NT5DC1: variants seen among roughly 807,000 people sequenced by gnomAD.
NT5DC1 encodes the protein 5'-nucleotidase domain-containing protein 1.
A neutral mutation model predicts 59.4 loss-of-function variants in NT5DC1; 42 were observed. The observed-to-expected ratio is 0.71, with a 90% CI of 0.55 to 0.92. The LOEUF is 0.92. NT5DC1 is among the 40% of genes least tolerant of loss of function. NT5DC1 has a pLI of 0.00. For synonymous variants in NT5DC1, 172 were observed against 188.1 expected (o/e 0.91, Z 0.70); for missense variants, 501 against 537.1 (o/e 0.93, Z 0.66).
At chr6:116,236,323 A>G (rs929550959) in intron 8 of NT5DC1, among the ~76,000 whole-genome samples, 1 of 152,236 alleles carries the variant, frequency 6.6e-6, no homozygotes, top group African/African-American at 2.4e-5. Context: ...ACGTACAAGT[A>G]ATAGAATAGC....
At chr6:116,153,374 C>T (rs1582838659) in intron 6 of NT5DC1, among the ~76,000 whole-genome samples, 1 of 151,924 alleles carries the variant, frequency 6.6e-6, no homozygotes, top group South Asian at 2.1e-4. Flanking sequence ...GAATTTAGCT[C>T]GATTTTAGAT....
At chr6:116,105,716 G>T (rs1692550449) in intron 1 of NT5DC1, among the ~76,000 whole-genome samples, 1 of 151,462 alleles carries the variant, frequency 6.6e-6, no homozygotes, top group African/African-American at 2.4e-5. Context: ...TTTGTCCTTT[G>T]TCTTTAGATT....
rs566235360 is a variant in NT5DC1 at position 116,119,755 on chromosome 6, T to A, written c.529+1810T>A. On this transcript the variant is annotated intron_variant, in intron 6 of 11. Transcript: ENST00000319550. ...AGAGCTCTATTTCTGTTTTTTTTTT[T>A]AATTTTTTTTTTGTTGTTTGTTTTT... 104 of 243,186 alleles carry A rather than the reference T, an allele frequency of 4.3e-4. No individual in the cohort carries two copies. Among genetic ancestry groups the A allele is most frequent in the African/African-American group, 1.5e-3 (67 of 44,074 alleles). 15.1% of individuals were successfully genotyped at this position (243,186 alleles called of 1,614,324 possible). A position where few individuals can be genotyped will look rare whatever the true frequency, so the allele number is the denominator to read the frequency against.
chr6:116,124,117 G>A (rs979532308), intron 6 of NT5DC1, among the ~76,000 whole-genome samples: 1 of 151,676 alleles, frequency 6.6e-6, no homozygotes, highest in African/African-American at 2.4e-5. Flanking sequence ...GTATACCTGT[G>A]CATTTATTTT....
chr6:116,130,784 A>G (rs563436331), intron 6 of NT5DC1, among the ~76,000 whole-genome samples: 2 of 152,234 alleles, frequency 1.3e-5, no homozygotes, highest in Non-Finnish European at 1.5e-5. Context: ...TAAAAACCCT[A>G]GTACTCATGC....
intron 6 of NT5DC1, among the ~76,000 whole-genome samples, chr6:116,169,782 G>C (rs559839236): frequency 6.6e-6 from 1 of 152,138 alleles, no homozygotes; most frequent in Admixed American, 6.5e-5. Context: ...GGAGTTCAGA[G>C]GATTATCAAT....
intron 6 of NT5DC1, among the ~76,000 whole-genome samples, chr6:116,150,210 A>G (rs1024747360): frequency 2.6e-5 from 4 of 152,182 alleles, no homozygotes; most frequent in Non-Finnish European, 5.9e-5. Flanking sequence ...TATGGCTTTC[A>G]CATGGAGAGC....
intron 6 of NT5DC1, among the ~76,000 whole-genome samples, chr6:116,187,831 T>G (rs190868453): frequency 6.6e-6 from 1 of 152,072 alleles, no homozygotes; most frequent in East Asian, 1.9e-4. Flanking sequence ...ATAGAAACAG[T>G]ATTGATTGAT....
At chr6:116,154,623 A>C (rs1479147818) in intron 6 of NT5DC1, among the ~76,000 whole-genome samples, 1 of 151,932 alleles carries the variant, frequency 6.6e-6, no homozygotes, top group Non-Finnish European at 1.5e-5. Context: ...TACACAGTTC[A>C]TGGTGTTTAT....
chr6:116,180,602 AATACATTCTCT>A (rs1354980274), intron 6 of NT5DC1, among the ~76,000 whole-genome samples: 2 of 152,112 alleles, frequency 1.3e-5, no homozygotes, highest in African/African-American at 4.8e-5. Context: ...TGCAATAAGA[AATACATTCTCT>A]ATAAAACTGT....
At chr6:116,131,623 G>A (rs111953976) in intron 6 of NT5DC1, among the ~76,000 whole-genome samples, 42 of 152,196 alleles carry the variant, frequency 2.8e-4, no homozygotes, top group African/African-American at 1.0e-3. Context: ...TTCAACCATT[G>A]CCCTATAGGT....
chr6:116,125,577 A>C, intron 6 of NT5DC1: 1 of 1,401,790 alleles, frequency 7.1e-7, no homozygotes, highest in East Asian at 2.4e-5. Flanking sequence ...CATGTTTCAC[A>C]GATGAGTTCT....
chr6:116,168,955 C>G (rs1383254079), intron 6 of NT5DC1, among the ~76,000 whole-genome samples: 3 of 152,200 alleles, frequency 2.0e-5, no homozygotes, highest in African/African-American at 7.2e-5. Context: ...TGTAGTATAG[C>G]CTTTTGGGTC....
At chr6:116,123,401 AG>A (rs1194156991) in intron 6 of NT5DC1, among the ~76,000 whole-genome samples, 2 of 152,200 alleles carry the variant, frequency 1.3e-5, no homozygotes, top group Non-Finnish European at 2.9e-5. Flanking sequence ...TCTTCATTCA[AG>A]ATTAGGGTGG....
intron 6 of NT5DC1, among the ~76,000 whole-genome samples, chr6:116,135,872 T>TACACAC (rs71554839): frequency 1.7e-4 from 21 of 121,304 alleles, no homozygotes; most frequent in African/African-American, 7.4e-4. Flanking sequence ...TATATATATA[T>TACACAC]ACACACATAC....
At chr6:116,110,306 C>T (rs1023607268) in intron 3 of NT5DC1, among the ~76,000 whole-genome samples, 2 of 152,204 alleles carry the variant, frequency 1.3e-5, no homozygotes, top group African/African-American at 4.8e-5. Context: ...CATTTCTCTT[C>T]GATTTCCCTA....
intron 6 of NT5DC1, among the ~76,000 whole-genome samples, chr6:116,194,397 G>A (rs1781183392): frequency 2.0e-5 from 3 of 151,964 alleles, no homozygotes; most frequent in Admixed American, 2.0e-4. Context: ...ACAAAGCCTA[G>A]AAAGGGTAGT....
chr6:116,111,299 A>T (rs891397777), intron 4 of NT5DC1, among the ~76,000 whole-genome samples: 1 of 152,142 alleles, frequency 6.6e-6, no homozygotes, highest in African/African-American at 2.4e-5. Context: ...TCCATCTCTG[A>T]TTCCTCCAGG....
chr6:116,103,598 CA>C lies in NT5DC1; in HGVS notation c.93+2579del, dbSNP rs1266886400. Among the ~76,000 whole-genome samples the C allele has an allele frequency of 2.6e-5, 4 of 152,018 alleles. No individual in the cohort carries two copies. The East Asian group carries it at 7.7e-4, about 29-fold the overall frequency. Reference sequence around the variant, plus strand: ...AGCACCGGGAACTGCTGGGTGCAAGCAAAAGGTGGCAAGTTGCAGGAGAAGA... The same window carrying C: ...AGCACCGGGAACTGCTGGGTGCAAGCAAAGGTGGCAAGTTGCAGGAGAAGA... On this transcript the variant is annotated intron_variant, in intron 1 of 11. Transcript: ENST00000319550.
Sources: gnomAD v4.1 joint callset for allele counts (sites outside exome capture counted in the v4.1 genomes callset) on GRCh38, gnomAD v4.1.1 for gene constraint, MANE v1.5 for transcripts, NCBI Gene and HGNC (gene_info 2026-07-23, HGNC 2026-07-21) for gene names.